Variants in EVL observed in about 807,000 individuals in gnomAD.
The protein encoded by EVL is Enah/Vasp-like.
In EVL, 21 loss-of-function variants were observed where a neutral mutation model predicts 59.6. The observed-to-expected ratio is 0.35, with a 90% CI of 0.25 to 0.51. The LOEUF is 0.51. EVL is among the 20% of genes least tolerant of loss of function. The probability of loss-of-function intolerance (pLI) is 0.97; values close to 1 mark genes in which losing one functional copy is unlikely to be tolerated. For missense variants in EVL, 462 were observed against 546.6 expected (o/e 0.85, Z 1.54); for synonymous variants, 198 against 203.5 (o/e 0.97, Z 0.23).
At chr14:100,106,016 CT>C (rs1243588864) in intron 3 of EVL, 1 of 152,240 alleles carries the variant, frequency 6.6e-6, no homozygotes, top group Non-Finnish European at 1.5e-5. Flanking sequence ...GTTTTGTCTT[CT>C]TTGTAGGTGT....
At chr14:100,032,367 G>C (rs982250203) in intron 1 of EVL, among the ~76,000 whole-genome samples, 2 of 152,136 alleles carry the variant, frequency 1.3e-5, no homozygotes, top group Non-Finnish European at 2.9e-5. Context: ...CTGCTTGGTT[G>C]GGGCATTCAT....
intron 1 of EVL, among the ~76,000 whole-genome samples, chr14:100,055,817 C>T (rs12897810): frequency 0.86 from 130,286 of 152,096 alleles, 56,444 homozygotes; most frequent in South Asian, 0.98. Flanking sequence ...CTTTTTCTTT[C>T]TCTTTTTCTT....
At chr14:100,066,152 A>G (rs2061926047) in intron 1 of EVL, among the ~76,000 whole-genome samples, 3 of 152,222 alleles carry the variant, frequency 2.0e-5, no homozygotes. Context: ...GATAGGACAG[A>G]CAGACTTTTA....
In EVL at chr14:100,092,649, C is replaced by T. The variant is rs55641384; in HGVS notation, c.181-4832C>T. 2.8e-3 allele frequency among the ~76,000 whole-genome samples: 419 copies of T among 152,232 alleles called. 4 individuals are homozygous for T. Among genetic ancestry groups the T allele is most frequent in the African/African-American group, 9.6e-3 (400 of 41,528 alleles). Reference sequence around the variant, plus strand: ...ACTTGGGAGGCTGAAGCAGGAGAATCGCTTGAACCCAGGAGGCAGAGGTTG... The same window carrying T: ...ACTTGGGAGGCTGAAGCAGGAGAATTGCTTGAACCCAGGAGGCAGAGGTTG... On this transcript the variant is annotated intron_variant, in intron 2 of 13. Coordinates refer to ENST00000392920, the MANE Select transcript of EVL (RefSeq NM_016337.3).
chr14:100,041,348 G>A (rs1254728082), intron 1 of EVL, among the ~76,000 whole-genome samples: 1 of 152,168 alleles, frequency 6.6e-6, no homozygotes, highest in African/African-American at 2.4e-5. Flanking sequence ...TAACATCCCT[G>A]TTTACTTCAC....
At position 100,109,370 on chromosome 14, in the gene EVL, A is replaced by G; in HGVS notation, c.358+11712A>G. ...CCTTCCCAGTGCCCCAGAAGACCTC[A>G]GGCACCCCTTCCCAGTCCTCGCACA... On this transcript the variant is annotated intron_variant, in intron 3 of 13. Transcript: ENST00000392920. The surrounding 1 kb of genome is among the most constrained non-coding windows in gnomAD (Gnocchi z 4.3). The G allele has an allele frequency of 2.8e-6, 1 of 358,194 alleles. No individual in the cohort carries two copies. The highest frequency in any genetic ancestry group is 2.1e-5 in the South Asian group (1 of 47,952). 22.2% of individuals were successfully genotyped at this position (358,194 alleles called of 1,614,324 possible).
chr14:99,984,977 C>G (rs1406562325), intron 1 of EVL, among the ~76,000 whole-genome samples: 1 of 151,994 alleles, frequency 6.6e-6, no homozygotes, highest in Non-Finnish European at 1.5e-5. Context: ...ACCCGGTATC[C>G]TTTTTCTGTT....
chr14:100,143,214 G>A (rs907944416), intron 13 of EVL, among the ~76,000 whole-genome samples: 1 of 152,116 alleles, frequency 6.6e-6, no homozygotes, highest in Non-Finnish European at 1.5e-5. Flanking sequence ...AGTGAGCAGA[G>A]CCAGGGCAGT....
intron 1 of EVL, among the ~76,000 whole-genome samples, chr14:100,030,864 T>C (rs2061303478): frequency 6.6e-6 from 1 of 152,222 alleles, no homozygotes; most frequent in South Asian, 2.1e-4. Flanking sequence ...CCACAGCCCA[T>C]TGCATTATTC....
At chr14:100,100,577 C>CTTTTGT (rs1397828894) in intron 3 of EVL, among the ~76,000 whole-genome samples, 7 of 152,068 alleles carry the variant, frequency 4.6e-5, no homozygotes, top group Non-Finnish European at 2.9e-5. Context: ...ACGAAGTCCA[C>CTTTTGT]TTTTGTTTTT....
intron 2 of EVL, chr14:100,096,937 A>G (rs1595171318): frequency 6.5e-6 from 1 of 152,700 alleles, no homozygotes; most frequent in African/African-American, 2.4e-5. Flanking sequence ...CTTTCGACAC[A>G]TAGCCCACTT....
intron 1 of EVL, among the ~76,000 whole-genome samples, chr14:100,035,222 A>G (rs1482410149): frequency 2.0e-5 from 3 of 152,140 alleles, no homozygotes; most frequent in African/African-American, 7.2e-5. Context: ...TGTTTCCTTC[A>G]TTCACTGTAT....
chr14:100,023,112 T>C (rs1400213109), intron 1 of EVL, among the ~76,000 whole-genome samples: 3 of 152,126 alleles, frequency 2.0e-5, no homozygotes, highest in Non-Finnish European at 2.9e-5. Flanking sequence ...TTGTCTGCCA[T>C]TGCCTACAAG....
chr14:100,050,987 T>A lies in EVL; in HGVS notation c.6-33700T>A, dbSNP rs531103176. On this transcript the variant is annotated intron_variant, in intron 1 of 13. Coordinates refer to the EVL transcript ENST00000402714. ...GGTCTCGAACTCCTGCCTCAAGTGATCCACCCGCCTCAGCCTCCCAAAGTT... is the reference window on the plus strand; with the variant it reads ...GGTCTCGAACTCCTGCCTCAAGTGAACCACCCGCCTCAGCCTCCCAAAGTT... Among the ~76,000 whole-genome samples the A allele has an allele frequency of 3.9e-5, 6 of 151,942 alleles. No homozygotes were observed. In the South Asian group the frequency reaches 1.2e-3, roughly 32 times the overall value.
At chr14:100,089,313 A>G (rs1361487217) in intron 2 of EVL, among the ~76,000 whole-genome samples, 1 of 152,280 alleles carries the variant, frequency 6.6e-6, no homozygotes, top group Non-Finnish European at 1.5e-5. Flanking sequence ...AACTATAGCC[A>G]ACAACTGTAC....
intron 1 of EVL, among the ~76,000 whole-genome samples, chr14:100,020,454 TGGAAGA>T (rs1452158142): frequency 7.9e-5 from 12 of 151,966 alleles, no homozygotes; most frequent in African/African-American, 2.9e-4. Flanking sequence ...CTGGAACATA[TGGAAGA>T]GAGTGTGTGT....
chr14:100,105,065 G>T (rs76557495), intron 3 of EVL, among the ~76,000 whole-genome samples: 7,912 of 152,074 alleles, frequency 0.052, 275 homozygotes, highest in Non-Finnish European at 0.074. Context: ...CCTCCTTGCT[G>T]CTCCATCTAC....
chr14:100,138,396 G>A (rs947412077), intron 11 of EVL: 15 of 153,112 alleles, frequency 9.8e-5, no homozygotes, highest in African/African-American at 3.6e-4. Context: ...AGAATATTTG[G>A]AACTGAGATT....
chr14:100,033,664 AC>A (rs2061346773), intron 1 of EVL, among the ~76,000 whole-genome samples: 1 of 152,256 alleles, frequency 6.6e-6, no homozygotes, highest in South Asian at 2.1e-4. Flanking sequence ...GATCAGTGTA[AC>A]CTGCTAAGTA....
Sources: allele counts gnomAD v4.1 joint callset (sites outside exome capture counted in the v4.1 genomes callset), GRCh38; gene constraint gnomAD v4.1.1; non-coding constraint Gnocchi (gnomAD v3.1); transcripts MANE v1.5; gene names NCBI Gene and HGNC (gene_info 2026-07-23, HGNC 2026-07-21).